FRMD4B: variants seen among roughly 807,000 people sequenced by gnomAD.
FRMD4B encodes the protein FERM domain containing 4B.
A neutral mutation model predicts 141.5 loss-of-function variants in FRMD4B; 74 were observed. The observed-to-expected ratio is 0.52, with a 90% CI of 0.43 to 0.63. FRMD4B has a LOEUF of 0.63. Among genes scored for constraint, FRMD4B ranks in the 30% least tolerant of loss-of-function variants. The probability of loss-of-function intolerance (pLI) is 0.00; values close to 1 mark genes in which losing one functional copy is unlikely to be tolerated. For synonymous variants in FRMD4B, 506 were observed against 467.9 expected (o/e 1.08, Z -1.05); for missense variants, 1,366 against 1,253.4 (o/e 1.09, Z -1.36).
At chr3:69,303,685 C>T (rs1380883138) in intron 3 of FRMD4B, among the ~76,000 whole-genome samples, 1 of 152,074 alleles carries the variant, frequency 6.6e-6, no homozygotes. Flanking sequence ...AATCCTAGCA[C>T]TTGGGAGGCC....
intron 1 of FRMD4B, among the ~76,000 whole-genome samples, chr3:69,461,855 A>G (rs575529961): frequency 1.3e-5 from 2 of 152,066 alleles, no homozygotes; most frequent in African/African-American, 4.8e-5. Flanking sequence ...ACAGAGTGCC[A>G]CTTTCCCTCT....
chr3:69,328,368 G>C (rs946356965), intron 1 of FRMD4B, among the ~76,000 whole-genome samples: 6 of 152,206 alleles, frequency 3.9e-5, no homozygotes, highest in African/African-American at 1.4e-4. Context: ...GTCAAGGTGA[G>C]AGTATTTACA....
intron 4 of FRMD4B, among the ~76,000 whole-genome samples, chr3:69,292,815 CTTT>C (rs35818040): frequency 4.1e-5 from 5 of 120,928 alleles, no homozygotes; most frequent in Admixed American, 9.3e-5. Flanking sequence ...TTTTTTCAGC[CTTT>C]TTTTTTTTTT....
intron 11 of FRMD4B, among the ~76,000 whole-genome samples, chr3:69,207,995 T>A (rs1424915254): frequency 3.3e-5 from 5 of 150,260 alleles, no homozygotes; most frequent in African/African-American, 9.7e-5. Context: ...TTCTCTTGCC[T>A]CAGCCTCCCA....
intron 1 of FRMD4B, among the ~76,000 whole-genome samples, chr3:69,380,516 C>T (rs897890426): frequency 1.3e-5 from 2 of 152,166 alleles, no homozygotes; most frequent in Non-Finnish European, 2.9e-5. Context: ...ATATATGTTC[C>T]GTCATGAATT....
intron 1 of FRMD4B, among the ~76,000 whole-genome samples, chr3:69,447,474 T>C (rs1436297235): frequency 6.6e-6 from 1 of 152,188 alleles, no homozygotes; most frequent in Non-Finnish European, 1.5e-5. Flanking sequence ...ATATTCCCAT[T>C]TTAAGTGTGG....
chr3:69,182,546 C>A, intron 20 of FRMD4B, 52 bp downstream of exon 20: 2 of 1,538,890 alleles, frequency 1.3e-6, no homozygotes, highest in Non-Finnish European at 1.7e-6. Flanking sequence ...CAAGACAGAA[C>A]CTCAAAGCAA....
chr3:69,389,888 T>G (rs909502362), upstream of FRMD4B, among the ~76,000 whole-genome samples: 22 of 149,650 alleles, frequency 1.5e-4, no homozygotes, highest in African/African-American at 4.9e-4. Context: ...AGCTTCAACA[T>G]TGTCTTGCTT....
At chr3:69,464,805 C>T (rs1427061577) in intron 1 of FRMD4B, among the ~76,000 whole-genome samples, 1 of 152,160 alleles carries the variant, frequency 6.6e-6, no homozygotes, top group Non-Finnish European at 1.5e-5. Flanking sequence ...CTCGATCCAA[C>T]TACCAACAAG....
chr3:69,455,375 C>T (rs962316891), intron 1 of FRMD4B, among the ~76,000 whole-genome samples: 1 of 152,174 alleles, frequency 6.6e-6, no homozygotes, highest in Non-Finnish European at 1.5e-5. Context: ...CCTTTATGAG[C>T]TGTAACACTC....
At chr3:69,241,735 T>C (rs967313549) in intron 7 of FRMD4B, among the ~76,000 whole-genome samples, 2 of 152,034 alleles carry the variant, frequency 1.3e-5, no homozygotes, top group Non-Finnish European at 2.9e-5. Context: ...CCGTCTCTAC[T>C]AAAAATTAAA....
chr3:69,237,998 C>A (rs113526367), intron 7 of FRMD4B, among the ~76,000 whole-genome samples: 1 of 152,178 alleles, frequency 6.6e-6, no homozygotes, highest in African/African-American at 2.4e-5. Flanking sequence ...TCCTAAAGTG[C>A]CAGGATTACA....
intron 11 of FRMD4B, among the ~76,000 whole-genome samples, chr3:69,215,996 G>C (rs2093136304): frequency 6.6e-6 from 1 of 152,000 alleles, no homozygotes; most frequent in Admixed American, 6.6e-5. Context: ...TCTACTAAAA[G>C]TACAAAAATT....
At chr3:69,220,060 G>A (rs2093179416) in intron 9 of FRMD4B, among the ~76,000 whole-genome samples, 1 of 152,090 alleles carries the variant, frequency 6.6e-6, no homozygotes, top group African/African-American at 2.4e-5. Context: ...TTAAGCATGG[G>A]AACTTTGTAA....
intron 1 of FRMD4B, among the ~76,000 whole-genome samples, chr3:69,379,070 G>T (rs1704047398): frequency 6.6e-6 from 1 of 152,144 alleles, no homozygotes; most frequent in Non-Finnish European, 1.5e-5. Context: ...ATTTTCTGAA[G>T]GCAAGACAAA....
At chr3:69,322,990 C>T (rs747066631) in intron 1 of FRMD4B, 36 of 960,454 alleles carry the variant, frequency 3.7e-5, no homozygotes, top group Middle Eastern at 5.3e-4. Context: ...TTCCATCAGT[C>T]GTACCAAAGT....
chr3:69,501,713 T>C (rs1389265520), intron 1 of FRMD4B, among the ~76,000 whole-genome samples: 1 of 152,128 alleles, frequency 6.6e-6, no homozygotes, highest in Non-Finnish European at 1.5e-5. Flanking sequence ...ATAAAGGGTA[T>C]TCAATTAGGA....
At chr3:69,287,583 G>C (rs368250921) in intron 5 of FRMD4B, 169 bp downstream of exon 5, 24 of 567,470 alleles carry the variant, frequency 4.2e-5, no homozygotes, top group East Asian at 2.4e-4. Context: ...TTTGAGAAAA[G>C]ATACCATTTG....
At chr3:69,490,751 G>A (rs539779645) in intron 1 of FRMD4B, among the ~76,000 whole-genome samples, 18 of 152,136 alleles carry the variant, frequency 1.2e-4, no homozygotes, top group Non-Finnish European at 1.8e-4. Flanking sequence ...TATGTTCCCT[G>A]AGGACGGGAG....
Sources: allele counts gnomAD v4.1 joint callset (sites outside exome capture counted in the v4.1 genomes callset), GRCh38; gene constraint gnomAD v4.1.1; transcripts MANE v1.5; gene names NCBI Gene and HGNC (gene_info 2026-07-23, HGNC 2026-07-21).